Variants in SMIM20 observed in about 807,000 individuals in gnomAD.
SMIM20 encodes small integral membrane protein 20.
In SMIM20, 3 loss-of-function variants were observed where a neutral mutation model predicts 8.7. That is an observed-to-expected ratio of 0.34 (90% CI 0.16 to 0.89). The LOEUF is 0.89. SMIM20 is among the 40% of genes least tolerant of loss of function. The probability of loss-of-function intolerance (pLI) is 0.49; values close to 1 mark genes in which losing one functional copy is unlikely to be tolerated. For missense variants in SMIM20, 85 were observed against 84.8 expected (o/e 1.00, Z -0.01); for synonymous variants, 44 against 33.6 (o/e 1.31, Z -1.07).
chr4:25,914,492 C>T (rs1165680948), intron 1 of SMIM20, 70 bp downstream of exon 1: 3 of 1,338,106 alleles, frequency 2.2e-6, no homozygotes, highest in Non-Finnish European at 2.9e-6. Flanking sequence ...GTGAGCTCCA[C>T]GTGGTGCCGT....
intron 1 of SMIM20, among the ~76,000 whole-genome samples, chr4:25,927,687 G>A (rs1306953122): frequency 6.6e-6 from 1 of 152,216 alleles, no homozygotes; most frequent in Non-Finnish European, 1.5e-5. Context: ...CCACAGATAT[G>A]AAATGCCCAA....
At chr4:25,923,545 A>G (rs1409435075) in intron 1 of SMIM20, among the ~76,000 whole-genome samples, 1 of 152,174 alleles carries the variant, frequency 6.6e-6, no homozygotes, top group African/African-American at 2.4e-5. Flanking sequence ...CCTTGCCTGT[A>G]CTTAATGCCC....
At chr4:25,914,733 C>T (rs1022450157) in intron 1 of SMIM20, among the ~76,000 whole-genome samples, 13 of 152,224 alleles carry the variant, frequency 8.5e-5, no homozygotes, top group African/African-American at 2.9e-4. Context: ...TTCATATTTA[C>T]AGTTAAAATT....
At chr4:25,926,276 A>C (rs1719290856) in intron 1 of SMIM20, among the ~76,000 whole-genome samples, 1 of 152,204 alleles carries the variant, frequency 6.6e-6, no homozygotes, top group Admixed American at 6.5e-5. Flanking sequence ...GCATTCACAG[A>C]TAAAGTGTCT....
intron 1 of SMIM20, among the ~76,000 whole-genome samples, chr4:25,918,194 G>T (rs541297146): frequency 6.6e-6 from 1 of 151,732 alleles, no homozygotes; most frequent in African/African-American, 2.4e-5. Context: ...CGCCTGCCTC[G>T]GCCTCCCAAA....
rs2109367575 is a variant in SMIM20 at position 25,929,774 on chromosome 4, T to C, written c.*583T>C. 6.6e-6 allele frequency: 1 copy of C among 152,362 alleles called. No individual in the cohort carries two copies. The highest frequency in any genetic ancestry group is 3.4e-3 in the Middle Eastern group (1 of 294). The allele number at this position is 152,362 out of a possible 1,614,324, so 9.4% of individuals were successfully genotyped here. On this transcript the variant is annotated 3_prime_UTR_variant, in exon 3 of 3. Transcript: ENST00000506197. The stretch of plus-strand genomic sequence containing the variant: ...TGTGTAGAAATCAATAATCAATTAA[T>C]AGAAGTGAAAAAATAGACATTAAAA...
In SMIM20 at chr4:25,929,345, C is replaced by T. The variant is rs1553884415; in HGVS notation, c.*154C>T. ...AGTGCTTGTAATAAAAGACTGTGCA[C>T]AAGGATTAATATTTCCCTTCTTAAG... On this transcript the variant is annotated 3_prime_UTR_variant, in exon 3 of 3. Coordinates refer to ENST00000506197, the MANE Select transcript of SMIM20 (RefSeq NM_001145432.3). 6 of 669,832 alleles carry T rather than the reference C, an allele frequency of 9.0e-6. No homozygotes were observed. The South Asian group carries it at 1.2e-4, about 14-fold the overall frequency. The allele number at this position is 669,832 out of a possible 1,614,324, so 41.5% of individuals were successfully genotyped here. A position where few individuals can be genotyped will look rare whatever the true frequency, so the allele number is the denominator to read the frequency against.
chr4:25,922,873 T>C (rs894063107), intron 1 of SMIM20, among the ~76,000 whole-genome samples: 1 of 152,110 alleles, frequency 6.6e-6, no homozygotes, highest in African/African-American at 2.4e-5. Context: ...GGAACAAGCA[T>C]ACAGGCAGCA....
Position 25,915,867 on chromosome 4 carries a change from G to A in SMIM20, c.109+1445G>A, listed in dbSNP as rs918753918. Among the ~76,000 whole-genome samples the A allele has an allele frequency of 4.6e-5, 6 of 131,680 alleles. No homozygotes were observed. In the South Asian group the frequency reaches 1.8e-3, roughly 39 times the overall value. 86.4% of individuals were successfully genotyped at this position (131,680 alleles called of 152,430 possible). On this transcript the variant is annotated intron_variant, in intron 1 of 2. Coordinates refer to ENST00000506197, the MANE Select transcript of SMIM20 (RefSeq NM_001145432.3). The stretch of plus-strand genomic sequence containing the variant: ...CACAACTTGGGATGGGGCGGGGGGG[G>A]GGTCGAGTGTTGCTACTGGTTTCTT...
At chr4:25,924,112 C>G (rs1012920138) in intron 1 of SMIM20, among the ~76,000 whole-genome samples, 2 of 152,214 alleles carry the variant, frequency 1.3e-5, no homozygotes, top group African/African-American at 4.8e-5. Context: ...TTCCCCTTGG[C>G]CCCTGGTTCA....
Position 25,923,163 on chromosome 4 carries a change from G to A in SMIM20, c.110-5150G>A, listed in dbSNP as rs1719228188. 2.0e-5 allele frequency among the ~76,000 whole-genome samples: 3 copies of A among 152,278 alleles called. No individual in the cohort carries two copies. The South Asian group carries it at 6.2e-4, about 32-fold the overall frequency. ...CCAGAAGTCTGGGTACAGTTCTGCT[G>A]TACTTCTGGAGGGAGTCCCAGACAC... is the stretch of plus-strand genomic sequence containing the variant. On this transcript the variant is annotated intron_variant, in intron 1 of 2. Coordinates refer to ENST00000506197, the MANE Select transcript of SMIM20 (RefSeq NM_001145432.3).
chr4:25,918,865 C>T (rs148253006), intron 1 of SMIM20, among the ~76,000 whole-genome samples: 1 of 149,926 alleles, frequency 6.7e-6, no homozygotes, highest in East Asian at 2.0e-4. Flanking sequence ...CTTATACACG[C>T]AGACTTTGTC....
At chr4:25,928,477 TAG>T (rs1273309125) in intron 2 of SMIM20, 108 bp downstream of exon 2, 1 of 1,060,188 alleles carries the variant, frequency 9.4e-7, no homozygotes. Flanking sequence ...CCTTTTAGCT[TAG>T]AGACAAGATT....
In SMIM20 at chr4:25,914,266, G is replaced by T. The variant is rs1257188224; in HGVS notation, c.-48G>T. On this transcript the variant is annotated 5_prime_UTR_variant, in exon 1 of 3. Coordinates refer to ENST00000506197, the MANE Select transcript of SMIM20 (RefSeq NM_001145432.3). ...CCCGGCCGTCGGTAACCTGGTTTCC[G>T]AGAGTGCCGGGCGGTCGGCGGGTCA... is the stretch of plus-strand genomic sequence containing the variant. The T allele has an allele frequency of 2.0e-6, 3 of 1,524,930 alleles. No individual in the cohort carries two copies. The highest frequency in any genetic ancestry group is 2.4e-5 in the South Asian group (2 of 82,326). The allele number at this position is 1,524,930 out of a possible 1,614,324, so 94.5% of individuals were successfully genotyped here.
intron 1 of SMIM20, among the ~76,000 whole-genome samples, chr4:25,917,183 C>T (rs1184407922): frequency 1.3e-5 from 2 of 151,838 alleles, no homozygotes; most frequent in African/African-American, 4.8e-5. Flanking sequence ...TACTGCTTGT[C>T]TAAGGGGGCA....
intron 1 of SMIM20, 134 bp from the exon 2 acceptor site, chr4:25,928,179 A>G (rs574684369): frequency 1.3e-6 from 1 of 790,888 alleles, no homozygotes; most frequent in African/African-American, 1.8e-5. Context: ...GCTTTGCATA[A>G]TAGCGTATCT....
At chr4:25,915,133 G>T (rs959421007) in intron 1 of SMIM20, among the ~76,000 whole-genome samples, 1 of 152,174 alleles carries the variant, frequency 6.6e-6, no homozygotes, top group East Asian at 1.9e-4. Flanking sequence ...TCCTCAAATT[G>T]TTTTTCCGAT....
intron 1 of SMIM20, among the ~76,000 whole-genome samples, chr4:25,925,275 C>T (rs934093444): frequency 2.1e-4 from 32 of 151,918 alleles, no homozygotes; most frequent in Admixed American, 1.4e-3. Context: ...TTTGCTCTTG[C>T]GCCCAGGCTC....
At chr4:25,928,483 C>T (rs765255455) in intron 2 of SMIM20, 114 bp downstream of exon 2, 7 of 1,005,230 alleles carry the variant, frequency 7.0e-6, no homozygotes, top group Non-Finnish European at 8.3e-6. Context: ...AGCTTAGAGA[C>T]AAGATTGTGA....
Sources: gnomAD v4.1 joint callset for allele counts (sites outside exome capture counted in the v4.1 genomes callset) on GRCh38, gnomAD v4.1.1 for gene constraint, MANE v1.5 for transcripts, NCBI Gene and HGNC (gene_info 2026-07-23, HGNC 2026-07-21) for gene names.